Variants in OLFM3 observed in about 807,000 individuals in gnomAD.
The protein encoded by OLFM3 is noelin-3.
Under a neutral mutation model 48.6 loss-of-function variants are expected in OLFM3, and 20 were observed. The ratio of observed to expected loss-of-function variants is 0.41; its 90% CI spans 0.29 to 0.60. The LOEUF (loss-of-function observed/expected upper bound fraction) is 0.60, where lower values mean the gene tolerates loss of function less well. Ranked by LOEUF, OLFM3 falls within the 20% of genes least tolerant of loss-of-function variation. OLFM3 has a pLI of 0.28. For missense variants in OLFM3, 437 were observed against 544.3 expected, an observed-to-expected ratio of 0.80 and a Z score of 1.96; for synonymous variants, 222 against 198.1, an observed-to-expected ratio of 1.12 and a Z score of -1.01.
chr1:101,888,428 G>A (rs1271607517), intron 1 of OLFM3, among the ~76,000 whole-genome samples: 1 of 152,138 alleles, frequency 6.6e-6, no homozygotes, highest in Non-Finnish European at 1.5e-5. Context: ...AAATGGTGCT[G>A]GGAAAACTGG....
At chr1:101,843,919 C>T (rs1024099425) in intron 1 of OLFM3, among the ~76,000 whole-genome samples, 20 of 151,508 alleles carry the variant, frequency 1.3e-4, no homozygotes, top group African/African-American at 4.2e-4. Flanking sequence ...TCAAGACCTG[C>T]GTGTGCGTGT....
chr1:101,820,265 C>G (rs1361815915), intron 4 of OLFM3, among the ~76,000 whole-genome samples: 1 of 152,040 alleles, frequency 6.6e-6, no homozygotes, highest in Admixed American at 6.6e-5. Context: ...GAACCTAATG[C>G]TTCACTAGAT....
At chr1:101,875,364 G>C (rs1159840490) in intron 1 of OLFM3, among the ~76,000 whole-genome samples, 2 of 151,978 alleles carry the variant, frequency 1.3e-5, no homozygotes, top group East Asian at 3.9e-4. Context: ...TTAATTTTTA[G>C]TTAGTGTTAA....
chr1:101,837,785 G>A (rs747232323), intron 1 of OLFM3: 2 of 152,152 alleles, frequency 1.3e-5, no homozygotes, highest in Non-Finnish European at 2.9e-5. Context: ...GTCTGTGTGC[G>A]TCGTGCAAGC....
At chr1:101,918,672 G>A (rs1328350247) in intron 1 of OLFM3, among the ~76,000 whole-genome samples, 1 of 150,988 alleles carries the variant, frequency 6.6e-6, no homozygotes, top group Non-Finnish European at 1.5e-5. Flanking sequence ...CAGCTGCAAA[G>A]TTTTTTTGTC....
chr1:101,861,821 A>G (rs1400662510), intron 1 of OLFM3, among the ~76,000 whole-genome samples: 1 of 152,202 alleles, frequency 6.6e-6, no homozygotes, highest in Non-Finnish European at 1.5e-5. Context: ...CAAATTAGAG[A>G]TTATAATATC....
chr1:101,826,175 C>G (rs1454549070), intron 3 of OLFM3, among the ~76,000 whole-genome samples: 3 of 145,112 alleles, frequency 2.1e-5, no homozygotes, highest in African/African-American at 5.0e-5. Context: ...CACACACACA[C>G]AGTGTATGTT....
At chr1:101,972,732 G>A (rs1221352719) in intron 1 of OLFM3, among the ~76,000 whole-genome samples, 1 of 152,142 alleles carries the variant, frequency 6.6e-6, no homozygotes, top group Non-Finnish European at 1.5e-5. Context: ...ATTCTCAACA[G>A]GTCTCCATTT....
intron 1 of OLFM3, among the ~76,000 whole-genome samples, chr1:101,964,501 A>C (rs1167727529): frequency 6.6e-6 from 1 of 152,200 alleles, no homozygotes; most frequent in Non-Finnish European, 1.5e-5. Context: ...GTGTGTTTTA[A>C]AATATTCAGC....
intron 1 of OLFM3, among the ~76,000 whole-genome samples, chr1:101,839,308 G>C (rs1343811920): frequency 6.6e-6 from 1 of 152,054 alleles, no homozygotes; most frequent in Non-Finnish European, 1.5e-5. Flanking sequence ...ATTCAAATTA[G>C]ATAAGATCTT....
chr1:101,948,489 T>C (rs535773260), intron 1 of OLFM3, among the ~76,000 whole-genome samples: 13 of 152,192 alleles, frequency 8.5e-5, no homozygotes, highest in Admixed American at 2.0e-4. Flanking sequence ...GCTTAAGACT[T>C]GAGTCAGATT....
chr1:101,901,310 T>C (rs986457072), intron 1 of OLFM3, among the ~76,000 whole-genome samples: 3 of 152,016 alleles, frequency 2.0e-5, no homozygotes, highest in African/African-American at 7.2e-5. Flanking sequence ...TTATCAATCA[T>C]ATAGGACAAA....
At chr1:101,862,044 G>A (rs1036636384) in intron 1 of OLFM3, among the ~76,000 whole-genome samples, 1 of 152,202 alleles carries the variant, frequency 6.6e-6, no homozygotes, top group African/African-American at 2.4e-5. Context: ...TGCTAAAAAT[G>A]AGCAATGCTC....
intron 1 of OLFM3, among the ~76,000 whole-genome samples, chr1:101,979,638 T>C (rs1661051103): frequency 6.6e-6 from 1 of 152,146 alleles, no homozygotes; most frequent in Admixed American, 6.5e-5. Context: ...TGCCTGGATG[T>C]CCAGGCAGAA....
chr1:101,808,209 C>T (rs2100863597), intron 4 of OLFM3, among the ~76,000 whole-genome samples: 1 of 151,558 alleles, frequency 6.6e-6, no homozygotes, highest in Non-Finnish European at 1.5e-5. Context: ...ATTTTATCTG[C>T]TTTCATTTTC....
intron 1 of OLFM3, among the ~76,000 whole-genome samples, chr1:101,945,871 T>C (rs956503434): frequency 1.3e-5 from 2 of 152,124 alleles, no homozygotes; most frequent in African/African-American, 4.8e-5. Context: ...ATTAAAATTT[T>C]TTTAAAAAGA....
intron 1 of OLFM3, among the ~76,000 whole-genome samples, chr1:101,905,218 C>T (rs984359782): frequency 6.6e-6 from 1 of 152,138 alleles, no homozygotes; most frequent in African/African-American, 2.4e-5. Context: ...TTGCAAAACT[C>T]TAATGTAACT....
intron 1 of OLFM3, among the ~76,000 whole-genome samples, chr1:101,986,605 T>C (rs1051759284): frequency 1.3e-5 from 2 of 152,194 alleles, no homozygotes; most frequent in Non-Finnish European, 2.9e-5. Context: ...GAGAGGGAAA[T>C]AAGATCTTTT....
chr1:101,867,201 G>A (rs148683861), intron 1 of OLFM3, among the ~76,000 whole-genome samples: 192 of 152,264 alleles, frequency 1.3e-3, no homozygotes, highest in African/African-American at 4.5e-3. Context: ...TTGTTGCACA[G>A]CAATGTAACA....
Sources: allele counts gnomAD v4.1 joint callset (sites outside exome capture counted in the v4.1 genomes callset), GRCh38; gene constraint gnomAD v4.1.1; transcripts MANE v1.5; gene names NCBI Gene and HGNC (gene_info 2026-07-23, HGNC 2026-07-21).